Variants in ANK2 observed in about 807,000 individuals in gnomAD.
The protein encoded by ANK2 is ankyrin 2.
Under a neutral mutation model 360.5 loss-of-function variants are expected in ANK2, and 83 were observed. The observed-to-expected ratio is 0.23, with a 90% CI of 0.19 to 0.28. The LOEUF is 0.28. ANK2 is among the 10% of genes least tolerant of loss of function. The pLI, the probability that ANK2 is intolerant of heterozygous loss-of-function variation, is 1.00. For synonymous variants in ANK2, 1,740 were observed against 1,759.5 expected (o/e 0.99, Z 0.28); for missense variants, 4,201 against 4,795.7 (o/e 0.88, Z 3.66).
chr4:113,009,871 TA>T (rs1332530859), intron 2 of ANK2, among the ~76,000 whole-genome samples: 3 of 152,058 alleles, frequency 2.0e-5, no homozygotes, highest in Non-Finnish European at 4.4e-5. Flanking sequence ...GTATCTTCAT[TA>T]ATGAGCCCAA....
chr4:113,324,448 A>G (rs1425227145), intron 26 of ANK2, among the ~76,000 whole-genome samples: 1 of 152,204 alleles, frequency 6.6e-6, no homozygotes, highest in Non-Finnish European at 1.5e-5. Context: ...GCCATCCATT[A>G]TGGTACTACA....
Position 113,170,726 on chromosome 4 carries a change from C to T in ANK2, c.85-3690C>T, listed in dbSNP as rs112233339. ...CTCCCTGCCTTTCATGTCCACACTG[C>T]TGGGTGCTAAGAAAGTTGTTCTGTG... On this transcript the variant is annotated intron_variant, in intron 1 of 45. Transcript: ENST00000357077. Among the ~76,000 whole-genome samples, 407 of 152,242 alleles carry T rather than the reference C, an allele frequency of 2.7e-3. 1 individual carries two copies. Among genetic ancestry groups the T allele is most frequent in the African/African-American group, 9.5e-3 (394 of 41,548 alleles).
At chr4:113,206,955 CA>C (rs1298073327) in intron 4 of ANK2, among the ~76,000 whole-genome samples, 3 of 152,110 alleles carry the variant, frequency 2.0e-5, no homozygotes, top group Admixed American at 6.5e-5. Context: ...ACCTGGGAGG[CA>C]GAGGTTGCAG....
chr4:113,377,290 C>G (rs1283659884), intron 45 of ANK2, among the ~76,000 whole-genome samples: 1 of 152,116 alleles, frequency 6.6e-6, no homozygotes, highest in African/African-American at 2.4e-5. Context: ...CCACAAACAT[C>G]TGAGTAATAC....
At chr4:112,956,677 C>A (rs994810568) in intron 2 of ANK2, among the ~76,000 whole-genome samples, 1 of 152,210 alleles carries the variant, frequency 6.6e-6, no homozygotes, top group African/African-American at 2.4e-5. Flanking sequence ...TTATTTCTTT[C>A]CACTTAATGT....
intron 2 of ANK2, among the ~76,000 whole-genome samples, chr4:112,956,677 C>T (rs994810568): frequency 6.6e-6 from 1 of 152,210 alleles, no homozygotes; most frequent in Non-Finnish European, 1.5e-5. Context: ...TTATTTCTTT[C>T]CACTTAATGT....
intron 2 of ANK2, among the ~76,000 whole-genome samples, chr4:113,032,968 C>T (rs1326713013): frequency 6.6e-6 from 1 of 152,022 alleles, no homozygotes; most frequent in Non-Finnish European, 1.5e-5. Flanking sequence ...TTCACTATAT[C>T]ATAAAATAGC....
At chr4:112,973,010 G>C (rs1315338443) in intron 2 of ANK2, among the ~76,000 whole-genome samples, 1 of 152,050 alleles carries the variant, frequency 6.6e-6, no homozygotes, top group Non-Finnish European at 1.5e-5. Flanking sequence ...GGGCTTTAGG[G>C]GCTTGAGGGG....
the ANK2 span, among the ~76,000 whole-genome samples, chr4:112,759,816 T>C: frequency 6.6e-6 from 1 of 152,200 alleles, no homozygotes; most frequent in Admixed American, 6.5e-5. Flanking sequence ...TATATTTTTC[T>C]CTTTCCTTCA....
intron 1 of ANK2, among the ~76,000 whole-genome samples, chr4:112,828,026 G>A (rs772138124): frequency 9.2e-5 from 14 of 152,082 alleles, no homozygotes; most frequent in South Asian, 4.1e-4. Context: ...ACACAGAGAC[G>A]AATAGAACAG....
In ANK2 at chr4:113,348,870, A is replaced by T. The variant is rs149679353; in HGVS notation, c.4404+562A>T. Among the ~76,000 whole-genome samples, 694 of 152,234 alleles carry T rather than the reference A, an allele frequency of 4.6e-3. 11 individuals carry two copies. Among genetic ancestry groups the T allele is most frequent in the African/African-American group, 0.016 (669 of 41,558 alleles). ...GGATATCTATTTATACATATCACAC[A>T]CCATCGGAAGTTTTTCAGGCTCCTC... On this transcript the variant is annotated intron_variant, in intron 36 of 45. Coordinates refer to ENST00000357077, the MANE Select transcript of ANK2 (RefSeq NM_001148.6).
chr4:112,865,758 T>C lies in ANK2; in HGVS notation c.-39-38697T>C, dbSNP rs116396117. On this transcript the variant is annotated intron_variant, in intron 1 of 30. Coordinates refer to the ANK2 transcript ENST00000503271. Reference sequence around the variant, plus strand: ...TATACCTGAGATTTATCTCCAGCCATATATACTTGAAAATTAAAGATGGAT... The same window carrying C: ...TATACCTGAGATTTATCTCCAGCCACATATACTTGAAAATTAAAGATGGAT... 7.2e-3 allele frequency among the ~76,000 whole-genome samples: 1,095 copies of C among 152,360 alleles called. 7 individuals carry two copies. Among genetic ancestry groups the C allele is most frequent in the Non-Finnish European group, 0.012 (838 of 68,024 alleles).
chr4:112,758,871 G>A, the ANK2 span, among the ~76,000 whole-genome samples: 4 of 152,038 alleles, frequency 2.6e-5, no homozygotes, highest in Admixed American at 2.0e-4. Context: ...TGTGTGCAGT[G>A]GCCACTTTGG....
At chr4:113,276,077 G>T (rs919612706) in intron 15 of ANK2, among the ~76,000 whole-genome samples, 2 of 151,908 alleles carry the variant, frequency 1.3e-5, no homozygotes, top group East Asian at 1.9e-4. Flanking sequence ...GAGTAGCTGG[G>T]ACTACAGGTG....
chr4:112,875,152 G>C (rs146931721), intron 1 of ANK2, among the ~76,000 whole-genome samples: 167 of 151,906 alleles, frequency 1.1e-3, no homozygotes, highest in African/African-American at 3.8e-3. Flanking sequence ...CTCCTCAGTA[G>C]CTGGGATTAC....
chr4:113,097,853 T>A (rs754279508), intron 1 of ANK2, among the ~76,000 whole-genome samples: 1 of 116,750 alleles, frequency 8.6e-6, no homozygotes, highest in Non-Finnish European at 1.7e-5. Context: ...TGTGTGTGTG[T>A]GTGTGTGTGT....
At chr4:112,950,849 G>T (rs2094913978) in intron 2 of ANK2, among the ~76,000 whole-genome samples, 1 of 150,870 alleles carries the variant, frequency 6.6e-6, no homozygotes, top group Non-Finnish European at 1.5e-5. Context: ...TTGGGAGGCC[G>T]AAGCGGGCGG....
At chr4:113,043,999 C>T (rs1388125504) in intron 2 of ANK2, among the ~76,000 whole-genome samples, 1 of 152,126 alleles carries the variant, frequency 6.6e-6, no homozygotes, top group Non-Finnish European at 1.5e-5. Flanking sequence ...TCTTACCAGA[C>T]TAGTGCCTTT....
rs534262862 is a variant in ANK2 at position 112,997,463 on chromosome 4, C to T, written c.21+92949C>T. Among the ~76,000 whole-genome samples, 3 of 152,206 alleles carry T rather than the reference C, an allele frequency of 2.0e-5. No individual in the cohort carries two copies. The South Asian group carries it at 6.2e-4, about 32-fold the overall frequency. On this transcript the variant is annotated intron_variant, in intron 2 of 30. Transcript: ENST00000503271. ...TGCAATATGCTTAACAGATATCTAA[C>T]AATATCAACCCTCACTACACCTTGA...
Sources: allele counts gnomAD v4.1 joint callset (sites outside exome capture counted in the v4.1 genomes callset), GRCh38; gene constraint gnomAD v4.1.1; transcripts MANE v1.5; gene names NCBI Gene and HGNC (gene_info 2026-07-23, HGNC 2026-07-21).